Variants in ANKMY1 observed in about 807,000 individuals in gnomAD.
ANKMY1 encodes ankyrin repeat and MYND domain-containing protein 1.
ANKMY1 carries 98 observed loss-of-function variants against 102.0 expected under a neutral mutation model. That is an observed-to-expected ratio of 0.96 (90% CI 0.82 to 1.14). ANKMY1 has a LOEUF of 1.14. Ranked by LOEUF, ANKMY1 falls within the 50% of genes most tolerant of loss-of-function variation. The probability of loss-of-function intolerance (pLI) is 0.00; values close to 1 mark genes in which losing one functional copy is unlikely to be tolerated. For missense variants in ANKMY1, 1,330 were observed against 1,347.6 expected, an observed-to-expected ratio of 0.99 and a Z score of 0.20; for synonymous variants, 582 against 559.9, an observed-to-expected ratio of 1.04 and a Z score of -0.56.
rs552038462 is a variant in ANKMY1 at position 240,557,112 on chromosome 2, G to A, written c.146+78C>T. 9.6e-6 allele frequency: 13 copies of A among 1,360,848 alleles called. No individual in the cohort carries two copies. In the African/African-American group the frequency reaches 1.5e-4, roughly 16 times the overall value. 84.3% of individuals were successfully genotyped at this position (1,360,848 alleles called of 1,614,324 possible). A position where few individuals can be genotyped will look rare whatever the true frequency, so the allele number is the denominator to read the frequency against. The stretch of plus-strand genomic sequence containing the variant: ...GTAACACAGTTCAGGGATTTTTACT[G>A]CTTGCCTTAAGGAGAATCCCGGCTA... On this transcript the variant is annotated intron_variant, in intron 2 of 17. Transcript: ENST00000401804.
intron 4 of ANKMY1, among the ~76,000 whole-genome samples, chr2:240,549,686 C>T (rs1290169727): frequency 6.6e-6 from 1 of 152,078 alleles, no homozygotes; most frequent in Non-Finnish European, 1.5e-5. Flanking sequence ...ACAAACAACC[C>T]CATCAAAAAG....
intron 4 of ANKMY1, among the ~76,000 whole-genome samples, chr2:240,538,246 G>A (rs968067200): frequency 3.9e-5 from 6 of 152,180 alleles, no homozygotes. Context: ...GCCGAGGCCG[G>A]AGCCGGCTCC....
At chr2:240,496,121 T>C (rs1438930518) in intron 15 of ANKMY1, among the ~76,000 whole-genome samples, 2 of 152,222 alleles carry the variant, frequency 1.3e-5, no homozygotes, top group African/African-American at 4.8e-5. Context: ...CTTGTAAATT[T>C]TGAGTTATTT....
At chr2:240,546,427 T>C (rs564628819) in intron 4 of ANKMY1, among the ~76,000 whole-genome samples, 2 of 152,168 alleles carry the variant, frequency 1.3e-5, no homozygotes, top group African/African-American at 4.8e-5. Context: ...TAAAGACCAT[T>C]GAGACTAGGA....
chr2:240,544,167 A>G (rs531747363), intron 4 of ANKMY1, among the ~76,000 whole-genome samples: 29 of 152,308 alleles, frequency 1.9e-4, no homozygotes, highest in African/African-American at 6.0e-4. Flanking sequence ...ATGAAGATAT[A>G]TATTTGTTAA....
Position 240,557,307 on chromosome 2 carries a change from A to G in ANKMY1, c.29T>C (p.Leu10Ser). Residue 10 changes from leucine to serine, a missense_variant, in exon 2 of 18, where the codon TTA (leucine) becomes TCA (serine). Transcript: ENST00000401804. MEGAHASLS[L>S]EDEVSGAGSR... ...GCCAGCCCCAGAGACTTCGTCCTCTAAGCTAAGGGAGGCATGGGCCCCTTC... is the reference window on the plus strand; with the variant it reads ...GCCAGCCCCAGAGACTTCGTCCTCTGAGCTAAGGGAGGCATGGGCCCCTTC... The G allele has an allele frequency of 6.3e-7, 1 of 1,584,232 alleles. No homozygotes were observed. The highest frequency in any genetic ancestry group is 8.6e-7 in the Non-Finnish European group (1 of 1,163,388).
At chr2:240,489,369 A>G (rs1038722590) in intron 15 of ANKMY1, among the ~76,000 whole-genome samples, 8 of 151,952 alleles carry the variant, frequency 5.3e-5, no homozygotes, top group Admixed American at 5.3e-4. Flanking sequence ...GGCAGGGAGA[A>G]TTGCTTGAAC....
At chr2:240,526,479 C>T in intron 5 of ANKMY1, 34 bp from the exon 6 acceptor site, 2 of 1,613,230 alleles carry the variant, frequency 1.2e-6, no homozygotes, top group Non-Finnish European at 1.7e-6. Flanking sequence ...GGTCCTAGAC[C>T]AGGTTCTGCA....
intron 1 of ANKMY1, 114 bp downstream of exon 1, chr2:240,557,767 G>C (rs1445260164): frequency 1.6e-6 from 1 of 619,320 alleles, no homozygotes; most frequent in Non-Finnish European, 2.0e-6. Context: ...CCAGCCCCTC[G>C]GCCCCTCCCT....
At chr2:240,556,176 C>G (rs1303320889) in intron 2 of ANKMY1, among the ~76,000 whole-genome samples, 1 of 152,318 alleles carries the variant, frequency 6.6e-6, no homozygotes, top group Non-Finnish European at 1.5e-5. Flanking sequence ...CCTCCCAAAG[C>G]CCATTGTTGG....
At chr2:240,530,391 G>A (rs1472317606) in intron 4 of ANKMY1, among the ~76,000 whole-genome samples, 1 of 152,150 alleles carries the variant, frequency 6.6e-6, no homozygotes, top group East Asian at 1.9e-4. Flanking sequence ...TCAGCACCGT[G>A]CCCTTGGTGC....
chr2:240,520,109 A>C lies in ANKMY1; in HGVS notation c.2004+253T>G. 1 of 699,236 alleles carries C rather than the reference A, an allele frequency of 1.4e-6. No homozygotes were observed. Among genetic ancestry groups the C allele is most frequent in the Non-Finnish European group, 2.6e-6 (1 of 380,010 alleles). 43.3% of individuals were successfully genotyped at this position (699,236 alleles called of 1,614,324 possible). A position where few individuals can be genotyped will look rare whatever the true frequency, so the allele number is the denominator to read the frequency against. On this transcript the variant is annotated intron_variant, in intron 9 of 17. Coordinates refer to ENST00000401804, the MANE Select transcript of ANKMY1 (RefSeq NM_001282771.3). This position sits in a 1 kb window ranked among gnomAD's most constrained non-coding sequence, Gnocchi z 4.8. ...GCGCTTCCCCTTAGTTTGCTTCAACACTGGGAAAAAAATCACACGGATCGT... is the reference window on the plus strand; with the variant it reads ...GCGCTTCCCCTTAGTTTGCTTCAACCCTGGGAAAAAAATCACACGGATCGT...
chr2:240,491,962 G>C (rs1237577954), intron 15 of ANKMY1, among the ~76,000 whole-genome samples: 2 of 151,730 alleles, frequency 1.3e-5, no homozygotes, highest in Admixed American at 1.3e-4. Flanking sequence ...TCCTAGACTT[G>C]AGAAGTTTTC....
intron 4 of ANKMY1, among the ~76,000 whole-genome samples, chr2:240,535,341 C>T (rs1422414694): frequency 1.3e-5 from 2 of 152,102 alleles, no homozygotes; most frequent in Non-Finnish European, 2.9e-5. Context: ...TTTATCTGAA[C>T]CCAGTTTACT....
rs528186241 is a variant in ANKMY1, at chr2:240,490,535, G to A, written c.2807-8274C>T. 1.6e-4 allele frequency among the ~76,000 whole-genome samples: 24 copies of A among 152,136 alleles called. No individual in the cohort carries two copies. The East Asian group carries it at 4.4e-3, about 28-fold the overall frequency. ...TCTTCGTTGACTCAATATTAATTCA[G>A]AAGCATGTTTAATTTCCATGTTGCA... On this transcript the variant is annotated intron_variant, in intron 15 of 17. Transcript: ENST00000401804.
At chr2:240,509,513 T>C (rs958969212) in intron 11 of ANKMY1, 58 bp from the exon 12 acceptor site, 7 of 1,184,906 alleles carry the variant, frequency 5.9e-6, no homozygotes, top group Middle Eastern at 2.0e-4. Flanking sequence ...CAGCACCTGA[T>C]GGTAGTCATT....
chr2:240,560,821 C>G (rs2092920379), upstream of ANKMY1: 8 of 1,431,718 alleles, frequency 5.6e-6, no homozygotes, highest in Admixed American at 3.0e-5. Flanking sequence ...GCGGGAGTCA[C>G]GCTGTGCGTC....
the ANKMY1 span, among the ~76,000 whole-genome samples, chr2:240,473,096 C>G: frequency 6.8e-6 from 1 of 146,314 alleles, no homozygotes; most frequent in South Asian, 2.1e-4. Context: ...TGTACTCCAG[C>G]CTGGGCGACA....
chr2:240,495,487 A>G (rs2077136804), intron 15 of ANKMY1, among the ~76,000 whole-genome samples: 1 of 152,200 alleles, frequency 6.6e-6, no homozygotes, highest in African/African-American at 2.4e-5. Flanking sequence ...AGTCTCTGAA[A>G]TGCAGAAATA....
Sources: allele counts gnomAD v4.1 joint callset (sites outside exome capture counted in the v4.1 genomes callset), GRCh38; gene constraint gnomAD v4.1.1; non-coding constraint Gnocchi (gnomAD v3.1); transcripts MANE v1.5; gene names NCBI Gene and HGNC (gene_info 2026-07-23, HGNC 2026-07-21).